CHD9: variants seen among roughly 807,000 people sequenced by gnomAD.
The protein encoded by CHD9 is ATP-dependent chromatin remodeler CHD9.
A neutral mutation model predicts 316.1 loss-of-function variants in CHD9; 77 were observed. That is an observed-to-expected ratio of 0.24 (90% CI 0.20 to 0.29). The LOEUF (loss-of-function observed/expected upper bound fraction) is 0.29, where lower values mean the gene tolerates loss of function less well. Among genes scored for constraint, CHD9 ranks in the 10% least tolerant of loss-of-function variants. The pLI, the probability that CHD9 is intolerant of heterozygous loss-of-function variation, is 1.00. For synonymous variants in CHD9, 1,129 were observed against 1,158.3 expected, an observed-to-expected ratio of 0.97 and a Z score of 0.51; for missense variants, 2,763 against 3,438.1, an observed-to-expected ratio of 0.80 and a Z score of 4.91.
intron 3 of CHD9, among the ~76,000 whole-genome samples, chr16:53,210,862 A>T (rs922778412): frequency 6.6e-6 from 1 of 152,148 alleles, no homozygotes; most frequent in African/African-American, 2.4e-5. Flanking sequence ...CGATTAAATA[A>T]TATGGGCTCT....
intron 1 of CHD9, among the ~76,000 whole-genome samples, chr16:53,100,828 C>T (rs1044636829): frequency 9.2e-5 from 14 of 152,184 alleles, no homozygotes; most frequent in Non-Finnish European, 1.0e-4. Flanking sequence ...CACTATAGGC[C>T]TCTGTCTCCA....
intron 24 of CHD9, among the ~76,000 whole-genome samples, chr16:53,279,949 A>G (rs1296778545): frequency 6.6e-6 from 1 of 152,240 alleles, no homozygotes; most frequent in African/African-American, 2.4e-5. Context: ...TGATCAGGGA[A>G]ATGCAAATCA....
chr16:53,120,354 C>T (rs1186903893), intron 1 of CHD9, among the ~76,000 whole-genome samples: 3 of 152,354 alleles, frequency 2.0e-5, no homozygotes, highest in Admixed American at 6.5e-5. Context: ...TGGCTCACGC[C>T]TGTAATCCCA....
intron 34 of CHD9, among the ~76,000 whole-genome samples, chr16:53,313,959 A>C (rs774011155): frequency 2.2e-4 from 33 of 152,062 alleles, no homozygotes; most frequent in Non-Finnish European, 4.3e-4. Context: ...TCTCCAAAAA[A>C]AAAAAACAAA....
intron 27 of CHD9, among the ~76,000 whole-genome samples, chr16:53,289,389 TAAAA>T (rs1321482521): frequency 6.6e-6 from 1 of 151,856 alleles, no homozygotes; most frequent in Non-Finnish European, 1.5e-5. Flanking sequence ...ACCCCATCTC[TAAAA>T]AAAGAGAGAG....
chr16:53,241,582 A>T (rs1468953757), intron 12 of CHD9, among the ~76,000 whole-genome samples: 1 of 152,162 alleles, frequency 6.6e-6, no homozygotes, highest in African/African-American at 2.4e-5. Context: ...ATCCAAAACT[A>T]CTTCTTTTTA....
chr16:53,074,237 A>G (rs1371608147), intron 1 of CHD9, among the ~76,000 whole-genome samples: 4 of 152,222 alleles, frequency 2.6e-5, no homozygotes, highest in African/African-American at 7.2e-5. Context: ...CTGGTGGAAG[A>G]TATTTCTAAG....
chr16:53,207,351 AT>A (rs2045968201), intron 2 of CHD9, among the ~76,000 whole-genome samples: 1 of 152,218 alleles, frequency 6.6e-6, no homozygotes, highest in Admixed American at 6.5e-5. Context: ...TGCAGTTAAA[AT>A]AGAAGGTTAG....
intron 1 of CHD9, among the ~76,000 whole-genome samples, chr16:53,109,677 CTTTTTT>C (rs1166073629): frequency 5.6e-5 from 4 of 71,594 alleles, no homozygotes; most frequent in Admixed American, 3.7e-4. Flanking sequence ...TTCCCAGTTT[CTTTTTT>C]TTTTTTTTTT....
chr16:53,184,013 C>T (rs1158508876), intron 2 of CHD9, among the ~76,000 whole-genome samples: 2 of 151,384 alleles, frequency 1.3e-5, no homozygotes, highest in African/African-American at 2.4e-5. Flanking sequence ...GGCGTGATCT[C>T]GGCTCACTGC....
chr16:53,058,855 G>T (rs2032505735), intron 1 of CHD9, among the ~76,000 whole-genome samples: 1 of 151,152 alleles, frequency 6.6e-6, no homozygotes, highest in Non-Finnish European at 1.5e-5. Context: ...TTGGTTTTTG[G>T]TTTCTTTTGT....
At chr16:53,214,214 G>A (rs2046559933) in intron 3 of CHD9, among the ~76,000 whole-genome samples, 1 of 152,088 alleles carries the variant, frequency 6.6e-6, no homozygotes, top group African/African-American at 2.4e-5. Flanking sequence ...ATGTCCACAT[G>A]TATGTCTTTA....
At chr16:53,113,983 T>C (rs923748508) in intron 1 of CHD9, among the ~76,000 whole-genome samples, 2 of 152,016 alleles carry the variant, frequency 1.3e-5, no homozygotes, top group Non-Finnish European at 2.9e-5. Flanking sequence ...ATTATAGGTG[T>C]GAGCCACCAC....
intron 1 of CHD9, among the ~76,000 whole-genome samples, chr16:53,086,380 T>C (rs964042245): frequency 6.6e-6 from 1 of 152,218 alleles, no homozygotes; most frequent in African/African-American, 2.4e-5. Flanking sequence ...CAGACTGGGC[T>C]GCCTTAGGGC....
rs540609071 is a variant in CHD9, at chr16:53,204,566, T to A, written c.1453-4916T>A. On this transcript the variant is annotated intron_variant, in intron 2 of 38. Coordinates refer to ENST00000447540, the MANE Select transcript of CHD9 (RefSeq NM_001308319.2). ...ATTTGTTTTTTTGTTTTTGTTTTGT[T>A]GTTGTTTTTTTAGTAGTTGTCTGGA... Among the ~76,000 whole-genome samples the A allele has an allele frequency of 2.9e-3, 436 of 152,266 alleles. 3 individuals carry two copies. The highest frequency in any genetic ancestry group is 5.0e-3 in the Non-Finnish European group (342 of 68,022).
intron 2 of CHD9, among the ~76,000 whole-genome samples, chr16:53,182,173 A>G (rs1223832508): frequency 2.6e-5 from 4 of 152,104 alleles, no homozygotes; most frequent in East Asian, 1.9e-4. Context: ...CTGCAGAACA[A>G]TTGGTGGATT....
intron 31 of CHD9, 64 bp downstream of exon 31, chr16:53,304,689 T>C: frequency 1.0e-6 from 1 of 978,124 alleles, no homozygotes; most frequent in Non-Finnish European, 1.3e-6. Context: ...TTTTCTTTTC[T>C]TTTCTTTTTT....
At chr16:53,235,126 G>A in intron 10 of CHD9, 59 bp from the exon 11 acceptor site, 2 of 1,405,914 alleles carry the variant, frequency 1.4e-6, no homozygotes, top group Non-Finnish European at 1.9e-6. Flanking sequence ...AATGCTTTTT[G>A]CCTTCAGTAT....
At chr16:53,110,529 G>T (rs903449378) in intron 1 of CHD9, among the ~76,000 whole-genome samples, 2 of 152,220 alleles carry the variant, frequency 1.3e-5, no homozygotes, top group African/African-American at 4.8e-5. Context: ...GGGAGGCCAA[G>T]GTGGATGGAT....
Sources: allele counts gnomAD v4.1 joint callset (sites outside exome capture counted in the v4.1 genomes callset), GRCh38; gene constraint gnomAD v4.1.1; transcripts MANE v1.5; gene names NCBI Gene and HGNC (gene_info 2026-07-23, HGNC 2026-07-21).